NCOA2: variants seen among roughly 807,000 people sequenced by gnomAD.
NCOA2 encodes nuclear receptor coactivator 2, also known as class E basic helix-loop-helix protein 75.
Under a neutral mutation model 145.1 loss-of-function variants are expected in NCOA2, and 21 were observed. The ratio of observed to expected loss-of-function variants is 0.14; its 90% CI spans 0.10 to 0.21. The LOEUF (loss-of-function observed/expected upper bound fraction) is 0.21, where lower values mean the gene tolerates loss of function less well. Among genes scored for constraint, NCOA2 ranks in the 10% least tolerant of loss-of-function variants. NCOA2 has a pLI of 1.00. For missense variants in NCOA2, 1,472 were observed against 1,837.6 expected, an observed-to-expected ratio of 0.80 and a Z score of 3.64; for synonymous variants, 619 against 637.5, an observed-to-expected ratio of 0.97 and a Z score of 0.44.
At position 70,301,229 on chromosome 8, in the gene NCOA2, T is replaced by C. The variant is rs75106273; in HGVS notation, c.-76-4429A>G. Reference sequence around the variant, plus strand: ...CCAGCAAAAGGTATTCCCTATATCTTGCACCTTTGGCAGACACTATTATTA... The same window carrying C: ...CCAGCAAAAGGTATTCCCTATATCTCGCACCTTTGGCAGACACTATTATTA... On this transcript the variant is annotated intron_variant, in intron 1 of 22. Transcript: ENST00000452400. 1.0e-3 allele frequency among the ~76,000 whole-genome samples: 153 copies of C among 152,348 alleles called. 2 individuals are homozygous for C. The East Asian group carries it at 0.017, about 17-fold the overall frequency.
At chr8:70,408,231 G>A (rs1480256202), upstream of NCOA2, among the ~76,000 whole-genome samples, 1 of 152,116 alleles carries the variant, frequency 6.6e-6, no homozygotes, top group Non-Finnish European at 1.5e-5. Context: ...ATTGGAAGGA[G>A]GTGAAACCAA....
intron 1 of NCOA2, among the ~76,000 whole-genome samples, chr8:70,335,845 T>A (rs1807537656): frequency 6.6e-6 from 1 of 152,134 alleles, no homozygotes; most frequent in Non-Finnish European, 1.5e-5. Flanking sequence ...GCCTATTGCT[T>A]CCAGACCACA....
chr8:70,268,474 A>G (rs1038143654), intron 2 of NCOA2, among the ~76,000 whole-genome samples: 11 of 152,228 alleles, frequency 7.2e-5, no homozygotes, highest in African/African-American at 2.7e-4. Context: ...CATTAGGTAC[A>G]GTTTGACTAT....
intron 2 of NCOA2, among the ~76,000 whole-genome samples, chr8:70,229,579 C>T (rs2134190662): frequency 6.6e-6 from 1 of 152,208 alleles, no homozygotes; most frequent in Admixed American, 6.5e-5. Context: ...CTGGGATGAC[C>T]ATGGGATCCG....
At chr8:70,326,377 AAATT>A (rs1228605300) in intron 1 of NCOA2, among the ~76,000 whole-genome samples, 3 of 152,022 alleles carry the variant, frequency 2.0e-5, no homozygotes, top group South Asian at 2.1e-4. Context: ...GACAGCAATA[AAATT>A]AATACAAATA....
At chr8:70,155,180 A>G (rs1444841757) in intron 11 of NCOA2, among the ~76,000 whole-genome samples, 1 of 152,238 alleles carries the variant, frequency 6.6e-6, no homozygotes, top group African/African-American at 2.4e-5. Context: ...TTTACATACC[A>G]TGGCTCAGAC....
intron 2 of NCOA2, among the ~76,000 whole-genome samples, chr8:70,252,227 GTTA>G (rs1823250548): frequency 2.0e-5 from 3 of 152,154 alleles, no homozygotes; most frequent in Admixed American, 2.0e-4. Flanking sequence ...CTCCCAAACT[GTTA>G]TTAAGTCAAT....
chr8:70,316,419 C>A (rs1805589918), intron 1 of NCOA2, among the ~76,000 whole-genome samples: 1 of 152,234 alleles, frequency 6.6e-6, no homozygotes, highest in Admixed American at 6.5e-5. Flanking sequence ...AACACTTCAT[C>A]TCAATCCCGA....
chr8:70,383,119 T>C (rs1051254176), intron 1 of NCOA2, among the ~76,000 whole-genome samples: 1 of 152,172 alleles, frequency 6.6e-6, no homozygotes, highest in African/African-American at 2.4e-5. Context: ...ACACCTTTCC[T>C]TCAGATGTTC....
At chr8:70,201,419 A>G (rs562934639) in intron 4 of NCOA2, among the ~76,000 whole-genome samples, 41 of 152,298 alleles carry the variant, frequency 2.7e-4, no homozygotes, top group African/African-American at 9.6e-4. Context: ...TGCACTCATG[A>G]CAACACCTAA....
At chr8:70,356,103 GC>G (rs1809661629) in intron 1 of NCOA2, among the ~76,000 whole-genome samples, 1 of 152,038 alleles carries the variant, frequency 6.6e-6, no homozygotes, top group Admixed American at 6.6e-5. Flanking sequence ...ATTTTTACCT[GC>G]CATCTTAGAA....
chr8:70,161,055 G>A lies in NCOA2; in HGVS notation c.977-1403C>T, dbSNP rs139839929. 1.8e-4 allele frequency among the ~76,000 whole-genome samples: 28 copies of A among 152,328 alleles called. No homozygotes were observed. The East Asian group carries it at 4.6e-3, about 25-fold the overall frequency. On this transcript the variant is annotated intron_variant, in intron 9 of 22. Coordinates refer to ENST00000452400, the MANE Select transcript of NCOA2 (RefSeq NM_006540.4). Reference sequence around the variant, plus strand: ...ACACCTCTGAAAAGTAGGTATCTGTGAGCACGCACCTGAACACATTTAGGA... The same window carrying A: ...ACACCTCTGAAAAGTAGGTATCTGTAAGCACGCACCTGAACACATTTAGGA...
chr8:70,322,069 T>C (rs1215985919), intron 1 of NCOA2, among the ~76,000 whole-genome samples: 1 of 151,884 alleles, frequency 6.6e-6, no homozygotes, highest in African/African-American at 2.4e-5. Context: ...TGAGCCAAAA[T>C]TATGCCATTG....
chr8:70,261,056 G>T (rs1824074516), intron 2 of NCOA2, among the ~76,000 whole-genome samples: 1 of 152,168 alleles, frequency 6.6e-6, no homozygotes, highest in Non-Finnish European at 1.5e-5. Flanking sequence ...ATTCCTCAGG[G>T]ATCTAGAACA....
chr8:70,257,018 T>C (rs1264763369), intron 2 of NCOA2, among the ~76,000 whole-genome samples: 2 of 152,232 alleles, frequency 1.3e-5, no homozygotes, highest in African/African-American at 4.8e-5. Context: ...GCCACTCTGA[T>C]AGGCGTCATC....
chr8:70,401,365 G>A (rs1300575359), intron 1 of NCOA2, among the ~76,000 whole-genome samples: 1 of 152,098 alleles, frequency 6.6e-6, no homozygotes, highest in Non-Finnish European at 1.5e-5. Flanking sequence ...TTATTTTTAA[G>A]AATCTTTTGT....
intron 1 of NCOA2, among the ~76,000 whole-genome samples, chr8:70,377,646 C>T (rs1430046405): frequency 2.6e-5 from 4 of 152,036 alleles, no homozygotes; most frequent in African/African-American, 7.2e-5. Context: ...GTCTAGAATT[C>T]CAGGCATTGA....
At chr8:70,126,084 C>T (rs536063459) in intron 19 of NCOA2, among the ~76,000 whole-genome samples, 19 of 152,322 alleles carry the variant, frequency 1.2e-4, no homozygotes, top group African/African-American at 4.1e-4. Flanking sequence ...CGGCAACAGA[C>T]TTCACAGTTA....
intron 2 of NCOA2, among the ~76,000 whole-genome samples, chr8:70,236,713 G>A (rs936671273): frequency 2.6e-5 from 4 of 152,134 alleles, no homozygotes; most frequent in African/African-American, 9.7e-5. Flanking sequence ...TAAAAAAGCA[G>A]TACAATATAA....
Sources: allele counts gnomAD v4.1 joint callset (sites outside exome capture counted in the v4.1 genomes callset), GRCh38; gene constraint gnomAD v4.1.1; transcripts MANE v1.5; gene names NCBI Gene and HGNC (gene_info 2026-07-23, HGNC 2026-07-21).